Variants in TIMM23B observed in about 807,000 individuals in gnomAD.
TIMM23B encodes the protein translocase of inner mitochondrial membrane 23 homolog B.
In TIMM23B, 27 loss-of-function variants were observed where a neutral mutation model predicts 27.3. That is an observed-to-expected ratio of 0.99 (90% CI 0.73 to 1.36). The LOEUF (loss-of-function observed/expected upper bound fraction) is 1.36, where lower values mean the gene tolerates loss of function less well. TIMM23B is among the 40% of genes most tolerant of loss of function. The pLI, the probability that TIMM23B is intolerant of heterozygous loss-of-function variation, is 0.00. For missense variants in TIMM23B, 205 were observed against 244.2 expected (o/e 0.84, Z 1.07); for synonymous variants, 73 against 92.4 (o/e 0.79, Z 1.21).
rs1839668079 is a variant in TIMM23B at position 49,955,033 on chromosome 10, C to T, written c.376C>T (p.Leu126Phe). 8 of 1,612,776 alleles carry T rather than the reference C, an allele frequency of 5.0e-6. No individual in the cohort carries two copies. The highest frequency in any genetic ancestry group is 5.9e-6 in the Non-Finnish European group (7 of 1,179,158). ...GAATATGGTGACTAGGCAAGGGGCACTTTGGGCTAATACTCTAGGTTCTCT... is the reference window on the plus strand; with the variant it reads ...GAATATGGTGACTAGGCAAGGGGCATTTTGGGCTAATACTCTAGGTTCTCT... ...ILNMVTRQGALWANTLGSLAL... is the reference protein window; with the variant it reads ...ILNMVTRQGAFWANTLGSLAL... Residue 126 changes from leucine to phenylalanine, a missense_variant, in exon 5 of 7, where the codon CTT becomes TTT. Coordinates refer to ENST00000651259, the MANE Select transcript of TIMM23B (RefSeq NM_001290117.2).
At chr10:49,957,338 C>A (rs1177593480) in intron 5 of TIMM23B, among the ~76,000 whole-genome samples, 3 of 149,138 alleles carry the variant, frequency 2.0e-5, no homozygotes, top group Admixed American at 6.8e-5. Context: ...ACCTAGACTT[C>A]TGGGCTTAAG....
At chr10:49,972,577 CA>C (rs1156816185) in intron 6 of TIMM23B, among the ~76,000 whole-genome samples, 3 of 150,718 alleles carry the variant, frequency 2.0e-5, no homozygotes, top group African/African-American at 7.3e-5. Context: ...ATTATACTAT[CA>C]AAAGCAGAAG....
intron 2 of TIMM23B, among the ~76,000 whole-genome samples, chr10:49,947,119 AC>A (rs2133051923): frequency 6.6e-6 from 1 of 152,216 alleles, no homozygotes; most frequent in East Asian, 1.9e-4. Flanking sequence ...GCAAAATGTT[AC>A]CACCAAATGG....
intron 6 of TIMM23B, among the ~76,000 whole-genome samples, chr10:49,962,253 G>A (rs1170125940): frequency 1.6e-4 from 24 of 150,492 alleles, no homozygotes; most frequent in Non-Finnish European, 2.8e-4. Flanking sequence ...GCCAGGCTGC[G>A]GTGCAGTGGC....
intron 6 of TIMM23B, among the ~76,000 whole-genome samples, chr10:49,971,271 G>A (rs1840432842): frequency 6.7e-6 from 1 of 149,168 alleles, no homozygotes; most frequent in Admixed American, 6.7e-5. Context: ...CTCCACTATT[G>A]TCCTATGACC....
chr10:49,948,870 A>G (rs1170206387), intron 2 of TIMM23B, among the ~76,000 whole-genome samples: 1 of 152,178 alleles, frequency 6.6e-6, no homozygotes, highest in East Asian at 1.9e-4. Context: ...GATACATATC[A>G]GTAACTCCAT....
intron 6 of TIMM23B, among the ~76,000 whole-genome samples, chr10:49,969,132 T>C (rs146066066): frequency 0.014 from 2,175 of 152,308 alleles, 40 homozygotes; most frequent in African/African-American, 0.048. Flanking sequence ...TGGTGTTTAG[T>C]GTGCCCGTGT....
chr10:49,957,291 C>G (rs1839757301), intron 5 of TIMM23B, among the ~76,000 whole-genome samples: 1 of 143,092 alleles, frequency 7.0e-6, no homozygotes. Context: ...AGGTCTTGCT[C>G]TGTCACCCAT....
At chr10:49,961,516 C>T (rs1589041435) in intron 6 of TIMM23B, among the ~76,000 whole-genome samples, 2 of 152,064 alleles carry the variant, frequency 1.3e-5, no homozygotes, top group East Asian at 1.9e-4. Context: ...AGCATAGCAG[C>T]TAGCTGTCCT....
At chr10:49,968,901 TCCG>T (rs1349582671) in intron 6 of TIMM23B, among the ~76,000 whole-genome samples, 2 of 152,190 alleles carry the variant, frequency 1.3e-5, no homozygotes, top group African/African-American at 4.8e-5. Context: ...TTGAAAAAGG[TCCG>T]CCTAATACCT....
intron 5 of TIMM23B, among the ~76,000 whole-genome samples, chr10:49,956,741 A>G (rs1323842011): frequency 2.7e-5 from 4 of 147,066 alleles, no homozygotes; most frequent in Non-Finnish European, 4.6e-5. Context: ...ATCAATTCAG[A>G]TGGTACAAAT....
Position 49,945,224 on chromosome 10 carries a change from C to T in TIMM23B, c.165+134C>T, listed in dbSNP as rs1183176515. 6.0e-4 allele frequency: 438 copies of T among 728,860 alleles called. No homozygotes were observed. In the African/African-American group the frequency reaches 6.1e-3, roughly 10 times the overall value. 45.1% of individuals were successfully genotyped at this position (728,860 alleles called of 1,614,324 possible). ...TCTGGTCTCCATTCACCCTTTTTTC[C>T]TCACAAACACCAGGAGCTTGGCCTG... On this transcript the variant is annotated intron_variant, in intron 2 of 6. Coordinates refer to ENST00000651259, the MANE Select transcript of TIMM23B (RefSeq NM_001290117.2).
chr10:49,944,301 A>G (rs1688277511), intron 1 of TIMM23B, among the ~76,000 whole-genome samples: 1 of 152,238 alleles, frequency 6.6e-6, no homozygotes, highest in Non-Finnish European at 1.5e-5. Flanking sequence ...TAGAGAAGAT[A>G]AGTAACACAA....
At chr10:49,965,504 T>G (rs1554855252) in intron 6 of TIMM23B, among the ~76,000 whole-genome samples, 1 of 150,596 alleles carries the variant, frequency 6.6e-6, no homozygotes, top group East Asian at 2.0e-4. Context: ...AGAGCGAGTC[T>G]CTGTCTCGAA....
intron 6 of TIMM23B, among the ~76,000 whole-genome samples, chr10:49,965,266 A>G (rs1840088387): frequency 6.7e-6 from 1 of 149,312 alleles, no homozygotes; most frequent in Non-Finnish European, 1.5e-5. Context: ...GAAATTAATA[A>G]TGAAATGTGG....
At chr10:49,962,423 G>A (rs1286945048) in intron 6 of TIMM23B, among the ~76,000 whole-genome samples, 1 of 151,954 alleles carries the variant, frequency 6.6e-6, no homozygotes, top group Non-Finnish European at 1.5e-5. Flanking sequence ...GGATGTTCTC[G>A]ATCCCCTGAC....
At chr10:49,954,911 C>T in intron 4 of TIMM23B, 91 bp from the exon 5 acceptor site, 1 of 1,496,252 alleles carries the variant, frequency 6.7e-7, no homozygotes, top group East Asian at 2.3e-5. Context: ...CGCCCTGGGT[C>T]TAGACATGTT....
At chr10:49,963,172 G>A (rs1226709410) in intron 6 of TIMM23B, among the ~76,000 whole-genome samples, 5 of 152,144 alleles carry the variant, frequency 3.3e-5, no homozygotes, top group South Asian at 2.1e-4. Flanking sequence ...CAGCCTGGGC[G>A]ATAGAGCGAG....
chr10:49,971,067 T>C (rs1254715014), intron 6 of TIMM23B, among the ~76,000 whole-genome samples: 6 of 152,210 alleles, frequency 3.9e-5, no homozygotes, highest in Non-Finnish European at 7.3e-5. Flanking sequence ...CTGTGTCCAC[T>C]CAGGGTTAAA....
Sources: allele counts gnomAD v4.1 joint callset (sites outside exome capture counted in the v4.1 genomes callset), GRCh38; gene constraint gnomAD v4.1.1; transcripts MANE v1.5; gene names NCBI Gene and HGNC (gene_info 2026-07-23, HGNC 2026-07-21).